Variants in DDAH1 observed in about 807,000 individuals in gnomAD.
DDAH1 encodes dimethylarginine dimethylaminohydrolase 1, also known as N(G),N(G)-dimethylarginine dimethylaminohydrolase 1.
A neutral mutation model predicts 28.8 loss-of-function variants in DDAH1; 19 were observed. The ratio of observed to expected loss-of-function variants is 0.66; its 90% CI spans 0.46 to 0.97. DDAH1 has a LOEUF of 0.97. DDAH1 is among the 50% of genes least tolerant of loss of function. The pLI is 0.00. For missense variants in DDAH1, 326 were observed against 375.9 expected (o/e 0.87, Z 1.10); for synonymous variants, 153 against 154.4 (o/e 0.99, Z 0.07).
At chr1:85,521,555 T>C in intron 1 of DDAH1, 1 of 937,642 alleles carries the variant, frequency 1.1e-6, no homozygotes, top group Non-Finnish European at 1.3e-6. Flanking sequence ...TTTCTGTGAG[T>C]TGTGAGGTGG....
At chr1:85,368,088 G>C (rs1297230210) in intron 1 of DDAH1, among the ~76,000 whole-genome samples, 2 of 152,150 alleles carry the variant, frequency 1.3e-5, no homozygotes, top group Admixed American at 6.5e-5. Flanking sequence ...TTATAGGAAT[G>C]CACCATGCTA....
intron 1 of DDAH1, among the ~76,000 whole-genome samples, chr1:85,444,775 A>C (rs767020649): frequency 2.6e-5 from 4 of 152,228 alleles, no homozygotes; most frequent in Non-Finnish European, 4.4e-5. Context: ...GTAACCATGC[A>C]AATAAGTAAG....
intron 2 of DDAH1, among the ~76,000 whole-genome samples, chr1:85,473,548 A>G (rs1233982678): frequency 6.6e-6 from 1 of 152,146 alleles, no homozygotes; most frequent in East Asian, 1.9e-4. Flanking sequence ...TTGTGAAATG[A>G]AGTTGCTTCA....
chr1:85,413,095 T>C (rs1469985455), intron 1 of DDAH1, among the ~76,000 whole-genome samples: 1 of 152,184 alleles, frequency 6.6e-6, no homozygotes, highest in African/African-American at 2.4e-5. Context: ...TTACCATGAA[T>C]ACCTACACAC....
chr1:85,486,809 A>C (rs908538479), intron 2 of DDAH1, among the ~76,000 whole-genome samples: 1 of 152,212 alleles, frequency 6.6e-6, no homozygotes, highest in African/African-American at 2.4e-5. Flanking sequence ...AAAGGCATGG[A>C]GGTAGAGAAA....
chr1:85,453,354 C>T (rs1020035335), intron 1 of DDAH1, among the ~76,000 whole-genome samples: 1 of 152,162 alleles, frequency 6.6e-6, no homozygotes, highest in African/African-American at 2.4e-5. Flanking sequence ...GACAACTGCA[C>T]TCCCCATTTT....
chr1:85,438,026 C>T (rs577411869), intron 1 of DDAH1, among the ~76,000 whole-genome samples: 5 of 152,264 alleles, frequency 3.3e-5, no homozygotes, highest in African/African-American at 4.8e-5. Context: ...TGTCCTTCGC[C>T]GCAACATGGA....
intron 2 of DDAH1, among the ~76,000 whole-genome samples, chr1:85,489,711 G>C (rs1282127560): frequency 6.6e-6 from 1 of 151,968 alleles, no homozygotes; most frequent in Non-Finnish European, 1.5e-5. Context: ...AAAGGGAGAG[G>C]AGGCAAATCA....
intron 1 of DDAH1, among the ~76,000 whole-genome samples, chr1:85,518,036 A>T (rs1444449933): frequency 6.6e-6 from 1 of 152,218 alleles, no homozygotes; most frequent in Admixed American, 6.5e-5. Flanking sequence ...TCCGTTGAAG[A>T]AATATAGCAT....
chr1:85,516,307 A>C (rs1451152284), intron 1 of DDAH1, among the ~76,000 whole-genome samples: 1 of 147,690 alleles, frequency 6.8e-6, no homozygotes, highest in Non-Finnish European at 1.5e-5. Context: ...TCTCATTTCT[A>C]GCTGGACAAA....
chr1:85,448,408 GA>G (rs1449040096), intron 1 of DDAH1, among the ~76,000 whole-genome samples: 2 of 152,164 alleles, frequency 1.3e-5, no homozygotes, highest in Non-Finnish European at 2.9e-5. Flanking sequence ...GAGAGGTTCT[GA>G]AAATCTGGTT....
intron 1 of DDAH1, among the ~76,000 whole-genome samples, chr1:85,446,737 T>C (rs950185453): frequency 1.3e-5 from 2 of 152,028 alleles, no homozygotes; most frequent in African/African-American, 4.8e-5. Context: ...CCCAATCCTC[T>C]AGCATATGGC....
At chr1:85,551,059 T>C (rs868721381) in intron 1 of DDAH1, among the ~76,000 whole-genome samples, 2 of 152,222 alleles carry the variant, frequency 1.3e-5, no homozygotes, top group Non-Finnish European at 2.9e-5. Flanking sequence ...ATCCACACAA[T>C]GTCAGGAAGG....
At chr1:85,415,172 G>A (rs995853125) in intron 1 of DDAH1, among the ~76,000 whole-genome samples, 6 of 151,672 alleles carry the variant, frequency 4.0e-5, no homozygotes, top group South Asian at 2.1e-4. Context: ...CTGACACCAC[G>A]CCCGGCTAAT....
rs1348874529 is a variant in DDAH1, at chr1:85,519,109, T to TTTTTG, written c.-122-22829_-122-22828insCAAAA. Among the ~76,000 whole-genome samples, 11 of 144,066 alleles carry TTTTTG rather than the reference T, an allele frequency of 7.6e-5. No homozygotes were observed. The East Asian group carries it at 2.0e-3, about 27-fold the overall frequency. 94.5% of individuals were successfully genotyped at this position (144,066 alleles called of 152,430 possible). ...GGATCTTTTTTTTTTTTTTTTTTTT[T>TTTTTG]TTGAGACGGAGTCTTGCTCTGTCGC... On this transcript the variant is annotated intron_variant, in intron 1 of 6. Transcript: ENST00000426972.
chr1:85,485,952 G>C (rs1280046100), intron 2 of DDAH1, among the ~76,000 whole-genome samples: 1 of 152,080 alleles, frequency 6.6e-6, no homozygotes, highest in African/African-American at 2.4e-5. Context: ...CTTTAGCTTG[G>C]GAAGTGAACT....
At chr1:85,503,681 A>G (rs1656907303) in intron 1 of DDAH1, among the ~76,000 whole-genome samples, 2 of 152,202 alleles carry the variant, frequency 1.3e-5, no homozygotes, top group African/African-American at 4.8e-5. Flanking sequence ...TGGAGCTTCC[A>G]ATAAACACAC....
At chr1:85,422,218 C>T (rs1212789381) in intron 1 of DDAH1, among the ~76,000 whole-genome samples, 1 of 152,100 alleles carries the variant, frequency 6.6e-6, no homozygotes, top group Non-Finnish European at 1.5e-5. Flanking sequence ...GGTGAAGAGT[C>T]TGTTCAGGCC....
upstream of DDAH1, chr1:85,465,164 C>G: frequency 8.7e-7 from 1 of 1,149,822 alleles, no homozygotes. Flanking sequence ...GAATGTGGTG[C>G]AGAAGGAGCC....
Sources: gnomAD v4.1 joint callset for allele counts (sites outside exome capture counted in the v4.1 genomes callset) on GRCh38, gnomAD v4.1.1 for gene constraint, MANE v1.5 for transcripts, NCBI Gene and HGNC (gene_info 2026-07-23, HGNC 2026-07-21) for gene names.